MAN2A2: variants seen among roughly 807,000 people sequenced by gnomAD.
MAN2A2 encodes the protein alpha-mannosidase 2x.
A neutral mutation model predicts 126.8 loss-of-function variants in MAN2A2; 79 were observed. The observed-to-expected ratio is 0.62, with a 90% CI of 0.52 to 0.75. MAN2A2 has a LOEUF of 0.75. Among genes scored for constraint, MAN2A2 ranks in the 30% least tolerant of loss-of-function variants. The probability of loss-of-function intolerance (pLI) is 0.00; values close to 1 mark genes in which losing one functional copy is unlikely to be tolerated. For synonymous variants in MAN2A2, 671 were observed against 618.7 expected (o/e 1.08, Z -1.25); for missense variants, 1,392 against 1,522.4 (o/e 0.91, Z 1.43).
At chr15:90,911,138 A>G in intron 12 of MAN2A2, 33 bp from the exon 13 acceptor site, 1 of 1,610,920 alleles carries the variant, frequency 6.2e-7, no homozygotes, top group Non-Finnish European at 8.5e-7. Flanking sequence ...TGAGCCCATG[A>G]TGGTTCTTCC....
chr15:90,903,695 C>T (rs546230701), intron 1 of MAN2A2: 11 of 234,116 alleles, frequency 4.7e-5, no homozygotes, highest in Non-Finnish European at 6.9e-5. Context: ...GAAACTCATT[C>T]TGTGTTTCTG....
intron 21 of MAN2A2, 71 bp from the exon 22 acceptor site, chr15:90,918,574 C>T (rs1166554650): frequency 1.7e-5 from 22 of 1,268,836 alleles, no homozygotes; most frequent in Non-Finnish European, 2.4e-5. Flanking sequence ...TGCCTCTGGG[C>T]AGAGGCGCTG....
intron 9 of MAN2A2, 108 bp from the exon 10 acceptor site, chr15:90,909,981 TC>T: frequency 1.1e-6 from 1 of 925,398 alleles, no homozygotes; most frequent in South Asian, 1.7e-5. Flanking sequence ...GATGTACAGT[TC>T]CTGCTTCTGA....
Position 90,910,647 on chromosome 15 carries a change from C to A in MAN2A2, c.1724C>A (p.Thr575Lys). Residue 575 changes from threonine (T) to lysine (K), a missense_variant, in exon 11 of 23, where the codon ACG becomes AAG. Transcript: ENST00000559717. ...CAGCATCACGATGCCATCACTGGCA[C>A]GGCCAAGGAGGCTGTGGTGGTGGAC... is the stretch of plus-strand genomic sequence containing the variant. ...LFQHHDAITG[T>K]AKEAVVVDYG... 2 of 1,614,134 alleles carry A rather than the reference C, an allele frequency of 1.2e-6. No individual in the cohort carries two copies. The highest frequency in any genetic ancestry group is 1.7e-6 in the Non-Finnish European group (2 of 1,180,034).
chr15:90,906,129 G>A (rs1003097597), intron 5 of MAN2A2, 113 bp downstream of exon 5: 2 of 1,468,446 alleles, frequency 1.4e-6, no homozygotes, highest in African/African-American at 2.8e-5. Flanking sequence ...CCAGAGAGCT[G>A]TGGAAGAGAT....
In MAN2A2 at chr15:90,905,432, G is replaced by A. The variant is rs936886304; in HGVS notation, c.314G>A (p.Arg105Gln). 5 of 1,613,648 alleles carry A rather than the reference G, an allele frequency of 3.1e-6. No individual in the cohort carries two copies. Among genetic ancestry groups the A allele is most frequent in the African/African-American group, 1.3e-5 (1 of 74,912 alleles). The change falls in exon 3 of 23, where the codon CGG (arginine) becomes CAG (glutamine). Residue 105 changes from arginine (R) to glutamine (Q), a missense_variant. By Grantham distance (43) the Arg-to-Gln change is conservative (BLOSUM62 1). Coordinates refer to ENST00000559717, the MANE Select transcript of MAN2A2 (RefSeq NM_006122.4). The part of the protein sequence containing the change: ...NGSWVVPPEP[R>Q]PSFFSISPQD... ...TCCTGGGTGGTGCCACCGGAGCCCC[G>A]GCCCAGCTTCTTCTCCATCTCCCCG...
chr15:90,918,860 G>T, intron 22 of MAN2A2, 105 bp downstream of exon 22: 1 of 839,978 alleles, frequency 1.2e-6, no homozygotes. Flanking sequence ...GTCACTCCAG[G>T]GCTTTCTGGA....
chr15:90,912,080 G>A lies in MAN2A2; in HGVS notation c.2147G>A (p.Gly716Asp). The A allele has an allele frequency of 6.2e-7, 1 of 1,612,778 alleles. No individual in the cohort carries two copies. The highest frequency in any genetic ancestry group is 1.1e-5 in the South Asian group (1 of 90,974). ...GTCCGCCTGCCAGCCCTGGGCCTGG[G>A]CGTGCTGCAGCTACAGCTGGGCCTG... ...VPVRLPALGL[G>D]VLQLQLGLDG... Residue 716 changes from glycine to aspartate, a missense_variant, in exon 15 of 23, where the codon GGC becomes GAC. Transcript: ENST00000559717.
rs771916842 is a variant in MAN2A2 at position 90,911,426 on chromosome 15, G to T, written c.1985G>T (p.Ser662Ile). Residue 662 changes from serine (S) to isoleucine (I), a missense_variant, in exon 14 of 23, where the codon AGC becomes ATC. Ser to Ile is a moderately radical substitution (Grantham distance 142). Transcript: ENST00000559717. ...LFNPLEQERF[S>I]MVSLLVNSPR... ...AACCCACTGGAACAGGAGCGATTCAGCATGGTGTCCCTGCTGGTCAACTCT... is the reference window on the plus strand; with the variant it reads ...AACCCACTGGAACAGGAGCGATTCATCATGGTGTCCCTGCTGGTCAACTCT... 6.2e-7 allele frequency: 1 copy of T among 1,614,244 alleles called. No individual in the cohort carries two copies. Among genetic ancestry groups the T allele is most frequent in the Non-Finnish European group, 8.5e-7 (1 of 1,180,034 alleles).
chr15:90,913,020 G>C lies in MAN2A2; in HGVS notation c.2584+29G>C, dbSNP rs2034885529. The C allele has an allele frequency of 1.5e-5, 24 of 1,578,226 alleles. 1 individual carries two copies. Among genetic ancestry groups the C allele is most frequent in the Non-Finnish European group, 2.1e-5 (24 of 1,149,368 alleles). On this transcript the variant is annotated intron_variant, in intron 17 of 22. Coordinates refer to ENST00000559717, the MANE Select transcript of MAN2A2 (RefSeq NM_006122.4). ...AGCCCTGCATATGAGGAAGGGTCTGGAAGGAGGTGTGGGCTCCACAACTGT... is the reference window on the plus strand; with the variant it reads ...AGCCCTGCATATGAGGAAGGGTCTGCAAGGAGGTGTGGGCTCCACAACTGT...
At chr15:90,907,009 C>G in intron 7 of MAN2A2, 96 bp downstream of exon 7, 1 of 1,442,240 alleles carries the variant, frequency 6.9e-7, no homozygotes, top group Non-Finnish European at 9.5e-7. Flanking sequence ...TTCTTCAGAG[C>G]AGACCTGCAG....
At chr15:90,908,180 T>G (rs1248269523) in intron 8 of MAN2A2, among the ~76,000 whole-genome samples, 1 of 152,226 alleles carries the variant, frequency 6.6e-6, no homozygotes, top group Admixed American at 6.5e-5. Context: ...AGGGCGTGAC[T>G]TTTCTTAAAG....
Position 90,914,983 on chromosome 15 carries a change from A to T in MAN2A2, c.2861-1140A>T, listed in dbSNP as rs570465035. Among the ~76,000 whole-genome samples the T allele has an allele frequency of 2.0e-5, 3 of 152,340 alleles. No individual in the cohort carries two copies. In the East Asian group the frequency reaches 5.8e-4, roughly 29 times the overall value. On this transcript the variant is annotated intron_variant, in intron 19 of 22. Transcript: ENST00000559717. The stretch of plus-strand genomic sequence containing the variant: ...GAGGCCCTTGAGATCTGTCTCTGGG[A>T]AGAGCCCTTGTGAAGGGCTGAGCCG...
chr15:90,916,152 C>T lies in MAN2A2; in HGVS notation c.2890C>T (p.Leu964=), dbSNP rs2035160283. The T allele has an allele frequency of 6.2e-7, 1 of 1,614,070 alleles. No homozygotes were observed. Among genetic ancestry groups the T allele is most frequent in the Non-Finnish European group, 8.5e-7 (1 of 1,180,022 alleles). The change falls in exon 20 of 23, where the codon CTG becomes TTG. Residue 964 remains leucine (L), a synonymous_variant. Coordinates refer to ENST00000559717, the MANE Select transcript of MAN2A2 (RefSeq NM_006122.4). ...GCTGGAGGTGATCTTGGACCGGCGG[C>T]TGATGCAGGATGACAACCGGGGCCT... ...GQLEVILDRR[L]MQDDNRGLGQ...
rs756402972 is a variant in MAN2A2 at position 90,910,247 on chromosome 15, G to A, written c.1532G>A (p.Arg511Gln). 4.1e-5 allele frequency: 66 copies of A among 1,614,022 alleles called. No individual in the cohort carries two copies. Among genetic ancestry groups the A allele is most frequent in the African/African-American group, 8.0e-5 (6 of 74,920 alleles). ...DHYWTGYYTSRPFYKSLDRVL... is the reference protein window; with the variant it reads ...DHYWTGYYTSQPFYKSLDRVL... ...TACTGGACAGGCTATTACACTTCCC[G>A]GCCCTTCTACAAGAGCTTAGACCGA... The change falls in exon 10 of 23, where the codon CGG becomes CAG. Residue 511 changes from arginine (R) to glutamine (Q), a missense_variant. By Grantham distance (43) the Arg-to-Gln change is conservative. Coordinates refer to ENST00000559717, the MANE Select transcript of MAN2A2 (RefSeq NM_006122.4).
chr15:90,905,756 T>C (rs1313975805), intron 4 of MAN2A2, 33 bp downstream of exon 4: 2 of 1,610,392 alleles, frequency 1.2e-6, no homozygotes, highest in South Asian at 1.1e-5. Context: ...GGAGCTGGAG[T>C]GTGGAGTGGG....
chr15:90,906,682 C>G (rs920686108), intron 6 of MAN2A2, 58 bp from the exon 7 acceptor site: 4 of 1,591,202 alleles, frequency 2.5e-6, no homozygotes, highest in African/African-American at 2.7e-5. Context: ...CCTGGAAGGC[C>G]GGGGGGCCAG....
chr15:90,902,492 C>A (rs2033920178), upstream of MAN2A2: 1 of 152,226 alleles, frequency 6.6e-6, no homozygotes, highest in Non-Finnish European at 1.5e-5. Flanking sequence ...CGGAGGCGGG[C>A]GTTTCGACCA....
chr15:90,911,330 G>A lies in MAN2A2; in HGVS notation c.1944-55G>A, dbSNP rs147931807. On this transcript the variant is annotated intron_variant, in intron 13 of 22. Coordinates refer to ENST00000559717, the MANE Select transcript of MAN2A2 (RefSeq NM_006122.4). ...AGCATGTGCTGAACCAGTGCAGGGC[G>A]CTTGCCCTGGTCGGAAGCAGCAGCC... The A allele has an allele frequency of 3.5e-5, 56 of 1,611,698 alleles. No individual in the cohort carries two copies. The East Asian group carries it at 4.5e-4, about 13-fold the overall frequency.
Sources: gnomAD v4.1 joint callset for allele counts (sites outside exome capture counted in the v4.1 genomes callset) on GRCh38, gnomAD v4.1.1 for gene constraint, MANE v1.5 for transcripts, NCBI Gene and HGNC (gene_info 2026-07-23, HGNC 2026-07-21) for gene names.